COL28A1: variants seen among roughly 807,000 people sequenced by gnomAD.
COL28A1 encodes the protein collagen type XXVIII alpha 1 chain, also known as collagen alpha-1(XXVIII) chain.
A neutral mutation model predicts 150.2 loss-of-function variants in COL28A1; 161 were observed. The ratio of observed to expected loss-of-function variants is 1.07; its 90% confidence interval spans 0.94 to 1.22. The LOEUF is 1.22. COL28A1 is among the 50% of genes most tolerant of loss of function. COL28A1 has a pLI of 0.00. For missense variants in COL28A1, 1,617 were observed against 1,388.3 expected (o/e 1.16, Z -2.62); for synonymous variants, 552 against 469.7 (o/e 1.18, Z -2.26).
chr7:7,487,641 GACCTA>G (rs1779700166), intron 13 of COL28A1, among the ~76,000 whole-genome samples: 1 of 152,060 alleles, frequency 6.6e-6, no homozygotes, highest in South Asian at 2.1e-4. Flanking sequence ...GAAAATCATA[GACCTA>G]AGGAGAACCC....
intron 15 of COL28A1, among the ~76,000 whole-genome samples, chr7:7,466,230 CTAGAA>C (rs1319775333): frequency 2.5e-4 from 30 of 118,614 alleles, no homozygotes; most frequent in Non-Finnish European, 3.6e-4. Flanking sequence ...GAATGTATAA[CTAGAA>C]TAACCAATAC....
Position 7,521,431 on chromosome 7 carries a change from C to A in COL28A1, c.759+474G>T, listed in dbSNP as rs186423509. Among the ~76,000 whole-genome samples, 43 of 152,306 alleles carry A rather than the reference C, an allele frequency of 2.8e-4. 1 individual carries two copies. The highest frequency in any genetic ancestry group is 9.6e-4 in the African/African-American group (40 of 41,576). On this transcript the variant is annotated intron_variant, in intron 5 of 34. Transcript: ENST00000399429. Reference sequence around the variant, plus strand: ...CCATTTCACAGAACTCACCCTAATCCCCCAAAGCATCGTGACCAGCTTCCT... The same window carrying A: ...CCATTTCACAGAACTCACCCTAATCACCCAAAGCATCGTGACCAGCTTCCT...
At chr7:7,476,240 A>G (rs368599811) in intron 14 of COL28A1, among the ~76,000 whole-genome samples, 20 of 152,332 alleles carry the variant, frequency 1.3e-4, no homozygotes, top group East Asian at 7.7e-4. Flanking sequence ...AAATAAAGGA[A>G]GAAGGACTCC....
intron 18 of COL28A1, among the ~76,000 whole-genome samples, chr7:7,446,890 A>G (rs770510596): frequency 5.9e-5 from 9 of 152,232 alleles, no homozygotes; most frequent in Non-Finnish European, 8.8e-5. Flanking sequence ...AGAGAAAACT[A>G]TAAGTATCTG....
At position 7,500,106 on chromosome 7, in the gene COL28A1, T is replaced by C. The variant is rs186860678; in HGVS notation, c.1026+5908A>G. On this transcript the variant is annotated intron_variant, in intron 11 of 34. Coordinates refer to ENST00000399429, the MANE Select transcript of COL28A1 (RefSeq NM_001037763.3). The stretch of plus-strand genomic sequence containing the variant: ...TTATTACCCAACTATGTTAGAAGAA[T>C]GGTCAATGTTCCCGACTGTTACATC... Among the ~76,000 whole-genome samples the C allele has an allele frequency of 2.3e-3, 356 of 152,344 alleles. 1 individual carries two copies. The highest frequency in any genetic ancestry group is 8.1e-3 in the African/African-American group (338 of 41,578).
chr7:7,532,151 C>T (rs1336228607), intron 2 of COL28A1, among the ~76,000 whole-genome samples: 1 of 152,084 alleles, frequency 6.6e-6, no homozygotes, highest in African/African-American at 2.4e-5. Flanking sequence ...TTCTGAGCAT[C>T]TTTTCAATGT....
At chr7:7,532,618 T>A (rs1158740014) in intron 2 of COL28A1, 134 bp downstream of exon 2, 1 of 1,159,576 alleles carries the variant, frequency 8.6e-7, no homozygotes, top group Non-Finnish European at 1.2e-6. Flanking sequence ...TATCATCATA[T>A]AATTTTATCA....
At chr7:7,537,760 TAACAACGGAATTTCCTAGGGAACA>T (rs1411643611), upstream of COL28A1, among the ~76,000 whole-genome samples, 35 of 152,294 alleles carry the variant, frequency 2.3e-4, 1 homozygote, top group South Asian at 5.4e-3. Flanking sequence ...AATGCAGAAA[TAACAACGGAATTTCCTAGGGAACA>T]ACCATGTATT....
chr7:7,426,192 C>G (rs1252821573), intron 25 of COL28A1, among the ~76,000 whole-genome samples: 1 of 152,144 alleles, frequency 6.6e-6, no homozygotes, highest in Non-Finnish European at 1.5e-5. Context: ...AATGATGAAA[C>G]TGAGGAATGA....
rs770622374 is a variant in COL28A1 at position 7,453,431 on chromosome 7, C to A, written c.1440+9G>T. ...ATATATTAAACTCCGCTCTCATTTA[C>A]AAAGTTACCTTGGAACCAGGTAAGC... On this transcript the variant is annotated intron_variant, in intron 17 of 34. Coordinates refer to ENST00000399429, the MANE Select transcript of COL28A1 (RefSeq NM_001037763.3). 1.8e-6 allele frequency: 2 copies of A among 1,130,698 alleles called. No homozygotes were observed. Among genetic ancestry groups the A allele is most frequent in the Non-Finnish European group, 1.4e-6 (1 of 738,240 alleles). The allele number at this position is 1,130,698 out of a possible 1,614,324, so 70.0% of individuals were successfully genotyped here. A position where few individuals can be genotyped will look rare whatever the true frequency, so the allele number is the denominator to read the frequency against.
At chr7:7,519,366 G>A (rs1781586111) in intron 6 of COL28A1, among the ~76,000 whole-genome samples, 1 of 152,168 alleles carries the variant, frequency 6.6e-6, no homozygotes. Context: ...TGGGAGCTAC[G>A]TACAATTCAA....
At chr7:7,524,505 G>A (rs1781914643) in intron 3 of COL28A1, among the ~76,000 whole-genome samples, 1 of 152,106 alleles carries the variant, frequency 6.6e-6, no homozygotes, top group Non-Finnish European at 1.5e-5. Flanking sequence ...TGCATTCTAT[G>A]TTTTATCTTT....
chr7:7,536,042 C>A (rs1782622596), upstream of COL28A1, among the ~76,000 whole-genome samples: 1 of 152,152 alleles, frequency 6.6e-6, no homozygotes, highest in Admixed American at 6.5e-5. Flanking sequence ...GTAAAAACAA[C>A]TTGAGAGAAC....
intron 32 of COL28A1, among the ~76,000 whole-genome samples, chr7:7,372,171 G>C (rs58381365): frequency 1.3e-5 from 2 of 151,816 alleles, no homozygotes. Flanking sequence ...AGGCCGAGGC[G>C]GGTGGATCAT....
intron 15 of COL28A1, among the ~76,000 whole-genome samples, chr7:7,463,419 T>C (rs74633601): frequency 0.055 from 8,401 of 152,240 alleles, 788 homozygotes; most frequent in African/African-American, 0.19. Context: ...TGTTGAAATC[T>C]TTCCTGTATA....
intron 25 of COL28A1, among the ~76,000 whole-genome samples, chr7:7,420,868 C>G (rs1318685858): frequency 6.6e-6 from 1 of 152,160 alleles, no homozygotes; most frequent in Admixed American, 6.5e-5. Flanking sequence ...AGGTGCAGGG[C>G]TAGAAGGATG....
intron 33 of COL28A1, among the ~76,000 whole-genome samples, chr7:7,369,420 C>T (rs56734683): frequency 0.12 from 18,191 of 152,188 alleles, 3,720 homozygotes; most frequent in African/African-American, 0.41. Flanking sequence ...AAACGCAGAG[C>T]TGAGTAATTG....
At position 7,444,400 on chromosome 7, in the gene COL28A1, C is replaced by A. The variant is rs376064083; in HGVS notation, c.1581+18G>T. ...TTCAACAGTTCCTACTCCAGTAATA[C>A]GAAAAACTTGGTGTTACCTTCTTCC... is the stretch of plus-strand genomic sequence containing the variant. On this transcript the variant is annotated intron_variant, in intron 19 of 34. Transcript: ENST00000399429. 1.7e-5 allele frequency: 27 copies of A among 1,613,222 alleles called. No individual in the cohort carries two copies. In the South Asian group the frequency reaches 2.7e-4, roughly 16 times the overall value.
chr7:7,459,377 T>C (rs901245496), intron 15 of COL28A1, among the ~76,000 whole-genome samples: 10 of 152,212 alleles, frequency 6.6e-5, no homozygotes, highest in African/African-American at 2.2e-4. Context: ...ACTCACTATT[T>C]ATTTCTGCTA....
Sources: allele counts gnomAD v4.1 joint callset (sites outside exome capture counted in the v4.1 genomes callset), GRCh38; gene constraint gnomAD v4.1.1; transcripts MANE v1.5; gene names NCBI Gene and HGNC (gene_info 2026-07-23, HGNC 2026-07-21).